BLM: variants seen among roughly 807,000 people sequenced by gnomAD.
The protein encoded by BLM is recQ-like DNA helicase BLM.
BLM carries 95 observed loss-of-function variants against 135.3 expected under a neutral mutation model. The observed-to-expected ratio is 0.70, with a 90% CI of 0.59 to 0.83. The LOEUF (loss-of-function observed/expected upper bound fraction) is 0.83. Among genes scored for constraint, BLM ranks in the 40% least tolerant of loss-of-function variants. BLM has a pLI of 0.00. For synonymous variants in BLM, 520 were observed against 589.2 expected, an observed-to-expected ratio of 0.88 and a Z score of 1.70; for missense variants, 1,518 against 1,663.9, an observed-to-expected ratio of 0.91 and a Z score of 1.53.
intron 19 of BLM, among the ~76,000 whole-genome samples, chr15:90,806,873 C>A (rs1184183594): frequency 6.6e-6 from 1 of 152,142 alleles, no homozygotes; most frequent in Non-Finnish European, 1.5e-5. Flanking sequence ...ACTTTATGGA[C>A]TATTAAGGAA....
At chr15:90,725,593 A>G (rs1894889836) in intron 1 of BLM, among the ~76,000 whole-genome samples, 2 of 149,492 alleles carry the variant, frequency 1.3e-5, no homozygotes. Context: ...TCCCGGGTTC[A>G]CGCCATTCAC....
Position 90,760,579 on chromosome 15 carries a change from CT to C in BLM, c.1221-11del, listed in dbSNP as rs1895945037. The C allele has an allele frequency of 6.2e-7, 1 of 1,603,310 alleles. No homozygotes were observed. Among genetic ancestry groups the C allele is most frequent in the Non-Finnish European group, 8.5e-7 (1 of 1,174,054 alleles). On this transcript the variant is annotated splice_polypyrimidine_tract_variant and intron_variant, in intron 6 of 21. Coordinates refer to ENST00000355112, the MANE Select transcript of BLM (RefSeq NM_000057.4). ...CTACTTATATTTAATACGTTGTTCT[CT>C]TTTCTCTCTTCAGAAGGAAACTTCT...
chr15:90,761,364 A>G, intron 7 of BLM, 109 bp downstream of exon 7: 1 of 915,842 alleles, frequency 1.1e-6, no homozygotes, highest in Non-Finnish European at 1.5e-6. Flanking sequence ...CATTGTTGCT[A>G]TGCAAATTTC....
chr15:90,776,162 A>T (rs1644795454), intron 12 of BLM, among the ~76,000 whole-genome samples: 1 of 152,224 alleles, frequency 6.6e-6, no homozygotes, highest in South Asian at 2.1e-4. Context: ...ATATGCCAAG[A>T]TTACGTAATG....
At position 90,751,807 on chromosome 15, in the gene BLM, A is replaced by T. The variant is rs750551907; in HGVS notation, c.820A>T (p.Asn274Tyr). The T allele has an allele frequency of 3.6e-5, 58 of 1,612,448 alleles. No individual in the cohort carries two copies. Among genetic ancestry groups the T allele is most frequent in the Non-Finnish European group, 4.9e-5 (58 of 1,178,740 alleles). The stretch of plus-strand genomic sequence containing the variant: ...TGTAGATAATAGCGAAAAGAAGAAG[A>T]ATTTGGAAGAAGCTGAATTACATTC... Reference protein sequence around the residue: ...DERDNSEKKKNLEEAELHSTE... With the variant: ...DERDNSEKKKYLEEAELHSTE... The change falls in exon 4 of 22, where the codon AAT (asparagine) becomes TAT (tyrosine). Residue 274 changes from asparagine to tyrosine, a missense_variant. Around this residue, in one of 5 missense-constraint regions of BLM, gnomAD observed 724 missense variants for 756.9 expected, o/e 0.96. Transcript: ENST00000355112.
intron 1 of BLM, among the ~76,000 whole-genome samples, chr15:90,718,976 G>A (rs1376950927): frequency 6.6e-6 from 1 of 151,974 alleles, no homozygotes; most frequent in Non-Finnish European, 1.5e-5. Context: ...GTCATTCCTG[G>A]AATGAGTGAG....
At chr15:90,797,027 A>G (rs547095527) in intron 16 of BLM, among the ~76,000 whole-genome samples, 1 of 152,228 alleles carries the variant, frequency 6.6e-6, no homozygotes, top group South Asian at 2.1e-4. Context: ...TGAGCGGCTG[A>G]TGTATGTGGA....
chr15:90,772,944 A>G (rs1896361837), intron 12 of BLM, among the ~76,000 whole-genome samples: 1 of 151,826 alleles, frequency 6.6e-6, no homozygotes. Flanking sequence ...CTAAAAATAC[A>G]AAACTAGCCG....
At chr15:90,760,089 C>G (rs1432335606) in intron 5 of BLM, 58 bp from the exon 6 acceptor site, 3 of 1,518,924 alleles carry the variant, frequency 2.0e-6, no homozygotes, top group Non-Finnish European at 1.8e-6. Context: ...CCATGCCTAG[C>G]CAAGACTTTT....
intron 16 of BLM, among the ~76,000 whole-genome samples, chr15:90,797,405 A>C: frequency 1.6e-5 from 2 of 127,694 alleles, no homozygotes; most frequent in South Asian, 2.5e-4. Context: ...GACGAGCGAA[A>C]CTCCATCTCA....
intron 17 of BLM, 22 bp from the exon 18 acceptor site, chr15:90,803,499 A>T: frequency 6.2e-7 from 1 of 1,600,238 alleles, no homozygotes; most frequent in East Asian, 2.2e-5. Flanking sequence ...TACTCATCTT[A>T]CTTCCTGTAT....
rs375221547 is a variant in BLM at position 90,719,628 on chromosome 15, G to T, written c.-5+2188G>T. On this transcript the variant is annotated intron_variant, in intron 1 of 21. Transcript: ENST00000355112. ...CCTGAAATGTTTTATGCCTTTAAAA[G>T]AGAGAGAATAGGGCCGAGTTTAACT... is the stretch of plus-strand genomic sequence containing the variant. Among the ~76,000 whole-genome samples, 3 of 152,092 alleles carry T rather than the reference G, an allele frequency of 2.0e-5. No individual in the cohort carries two copies. The South Asian group carries it at 6.2e-4, about 32-fold the overall frequency.
chr15:90,725,760 C>G (rs1894896797), intron 1 of BLM, among the ~76,000 whole-genome samples: 1 of 151,894 alleles, frequency 6.6e-6, no homozygotes, highest in East Asian at 1.9e-4. Flanking sequence ...ATCCACCCGC[C>G]TCGGCCTCCC....
chr15:90,754,681 T>C, intron 4 of BLM, 130 bp from the exon 5 acceptor site: 1 of 1,115,110 alleles, frequency 9.0e-7, no homozygotes, highest in Non-Finnish European at 1.3e-6. Context: ...TGAGGAAATT[T>C]AAAAAACTAC....
chr15:90,803,328 A>G (rs1897206185), intron 17 of BLM, among the ~76,000 whole-genome samples, 193 bp from the exon 18 acceptor site: 1 of 152,192 alleles, frequency 6.6e-6, no homozygotes, highest in African/African-American at 2.4e-5. Flanking sequence ...AGATAAGGAA[A>G]AGTACATACA....
intron 16 of BLM, 34 bp from the exon 17 acceptor site, chr15:90,798,147 GTTACCTTAA>G: frequency 6.5e-7 from 1 of 1,537,464 alleles, no homozygotes; most frequent in Non-Finnish European, 8.9e-7. Flanking sequence ...TCTAGGCATT[GTTACCTTAA>G]TTATAGCAGA....
At position 90,804,503 on chromosome 15, in the gene BLM, A is replaced by G. The variant is rs1255168419; in HGVS notation, c.3751+144A>G. ...TTTTGAGACGGGGTCTCGCTGTGTC[A>G]CCCGGGCTGGAGTGCTGTGGCATGA... On this transcript the variant is annotated intron_variant, in intron 19 of 21. Coordinates refer to ENST00000355112, the MANE Select transcript of BLM (RefSeq NM_000057.4). 7.6e-6 allele frequency: 7 copies of G among 921,144 alleles called. No homozygotes were observed. In the South Asian group the frequency reaches 8.6e-5, roughly 11 times the overall value. The allele number at this position is 921,144 out of a possible 1,614,324, so 57.1% of individuals were successfully genotyped here.
chr15:90,775,664 G>T (rs8033056), intron 12 of BLM, among the ~76,000 whole-genome samples: 5,874 of 151,482 alleles, frequency 0.039, 295 homozygotes, highest in African/African-American at 0.12. Context: ...GGCACTTGCC[G>T]CCATGCCCGG....
At chr15:90,800,073 A>C (rs770873980) in intron 17 of BLM, among the ~76,000 whole-genome samples, 12 of 152,230 alleles carry the variant, frequency 7.9e-5, no homozygotes, top group Non-Finnish European at 1.6e-4. Context: ...AATTTATGAC[A>C]ACTGAGTTCT....
Sources: gnomAD v4.1 joint callset for allele counts (sites outside exome capture counted in the v4.1 genomes callset) on GRCh38, gnomAD v4.1.1 for gene constraint, gnomAD v4.1.1 regional missense constraint, MANE v1.5 for transcripts, NCBI Gene and HGNC (gene_info 2026-07-23, HGNC 2026-07-21) for gene names.